Variants in SYCP3 observed in about 807,000 individuals in gnomAD.
The protein encoded by SYCP3 is synaptonemal complex protein 3.
SYCP3 carries 29 observed loss-of-function variants against 38.5 expected under a neutral mutation model. That is an observed-to-expected ratio of 0.75 (90% confidence interval 0.56 to 1.03). The LOEUF (loss-of-function observed/expected upper bound fraction) is 1.03, where lower values mean the gene tolerates loss of function less well. Among genes scored for constraint, SYCP3 ranks in the 50% least tolerant of loss-of-function variants. The probability of loss-of-function intolerance (pLI) is 0.00; values close to 1 mark genes in which losing one functional copy is unlikely to be tolerated. For missense variants in SYCP3, 242 were observed against 270.7 expected, an observed-to-expected ratio of 0.89 and a Z score of 0.74; for synonymous variants, 79 against 80.3, an observed-to-expected ratio of 0.98 and a Z score of 0.08.
Position 101,737,878 on chromosome 12 carries a change from G to C in SYCP3, c.58C>G (p.Gln20Glu). ...RKSGKPSVED[Q>E]FTRAYDFETE... ...TCAAAGTCATAGGCTCTCGTAAACT[G>C]ATCTTCCACAGACGGCTTCCCAGAT... The change falls in exon 2 of 9, where the codon CAG becomes GAG. Residue 20 changes from glutamine to glutamate, a missense_variant. Coordinates refer to ENST00000392924, the MANE Select transcript of SYCP3 (RefSeq NM_001177949.2). 1.2e-6 allele frequency: 2 copies of C among 1,614,126 alleles called. No homozygotes were observed. Among genetic ancestry groups the C allele is most frequent in the Non-Finnish European group, 1.7e-6 (2 of 1,180,024 alleles).
intron 1 of SYCP3, among the ~76,000 whole-genome samples, chr12:101,738,771 ACC>A (rs905855257): frequency 6.6e-6 from 1 of 152,114 alleles, no homozygotes; most frequent in African/African-American, 2.4e-5. Flanking sequence ...GACAGTGTCC[ACC>A]CCGACTCCAA....
At chr12:101,737,164 T>C (rs1292119679) in intron 3 of SYCP3, 68 bp downstream of exon 3, 7 of 1,602,304 alleles carry the variant, frequency 4.4e-6, no homozygotes, top group African/African-American at 2.7e-5. Context: ...ATTTTACATA[T>C]ATTATTTGTT....
At chr12:101,729,373 T>G in intron 7 of SYCP3, 160 bp from the exon 8 acceptor site, 1 of 711,864 alleles carries the variant, frequency 1.4e-6, no homozygotes, top group Non-Finnish European at 2.3e-6. Flanking sequence ...CCAAAATACC[T>G]ACTAAAAAAG....
At chr12:101,730,932 T>C (rs1044652022) in intron 7 of SYCP3, among the ~76,000 whole-genome samples, 6 of 152,206 alleles carry the variant, frequency 3.9e-5, no homozygotes, top group African/African-American at 1.4e-4. Context: ...ATATGCAAGA[T>C]TCCATTGAGC....
At chr12:101,729,508 C>CTT in intron 7 of SYCP3, 1 of 293,132 alleles carries the variant, frequency 3.4e-6, no homozygotes, top group African/African-American at 2.2e-5. Flanking sequence ...CAGTAAAAAC[C>CTT]ATTTCTATTA....
At chr12:101,735,862 T>TTTA (rs1365348613) in intron 4 of SYCP3, among the ~76,000 whole-genome samples, 3 of 98,718 alleles carry the variant, frequency 3.0e-5, no homozygotes, top group African/African-American at 1.3e-4. Flanking sequence ...TATATATATA[T>TTTA]ATATATATAT....
Position 101,739,410 on chromosome 12 carries a change from A to C in SYCP3, c.-77T>G. On this transcript the variant is annotated 5_prime_UTR_variant, in exon 1 of 9. Coordinates refer to ENST00000392924, the MANE Select transcript of SYCP3 (RefSeq NM_001177949.2). Reference sequence around the variant, plus strand: ...TGGTCGTCGACAGGCGTCCTCCACAACTCCTCCACAAGCGCGCTTCACCTG... The same window carrying C: ...TGGTCGTCGACAGGCGTCCTCCACACCTCCTCCACAAGCGCGCTTCACCTG... 1 of 1,001,594 alleles carries C rather than the reference A, an allele frequency of 1.0e-6. No individual in the cohort carries two copies. Among genetic ancestry groups the C allele is most frequent in the Non-Finnish European group, 1.2e-6 (1 of 830,022 alleles). The allele number at this position is 1,001,594 out of a possible 1,614,324, so 62.0% of individuals were successfully genotyped here.
chr12:101,736,211 T>C (rs1952434857), intron 4 of SYCP3, among the ~76,000 whole-genome samples: 1 of 152,166 alleles, frequency 6.6e-6, no homozygotes, highest in Admixed American at 6.5e-5. Context: ...AAATGTTTAC[T>C]ACTTCAAATA....
At position 101,739,447 on chromosome 12, in the gene SYCP3, T is replaced by C. The variant is rs1403981453; in HGVS notation, c.-114A>G. On this transcript the variant is annotated 5_prime_UTR_variant, in exon 1 of 9. Coordinates refer to ENST00000392924, the MANE Select transcript of SYCP3 (RefSeq NM_001177949.2). ...GCGCGCTTCACCTGAGGTGGCCCCT[T>C]CTCCGCGACGCTTCTGAGGCAAGCT... The C allele has an allele frequency of 8.0e-6, 8 of 1,002,470 alleles. No homozygotes were observed. The highest frequency in any genetic ancestry group is 9.6e-6 in the Non-Finnish European group (8 of 830,298). 62.1% of individuals were successfully genotyped at this position (1,002,470 alleles called of 1,614,324 possible). A position where few individuals can be genotyped will look rare whatever the true frequency, so the allele number is the denominator to read the frequency against.
chr12:101,734,007 A>G (rs1020615557), intron 5 of SYCP3, among the ~76,000 whole-genome samples: 2 of 152,214 alleles, frequency 1.3e-5, no homozygotes, highest in African/African-American at 4.8e-5. Flanking sequence ...AGATTCTGAT[A>G]TAACAAATAC....
chr12:101,729,957 G>A (rs539891368), intron 7 of SYCP3, among the ~76,000 whole-genome samples: 60 of 152,176 alleles, frequency 3.9e-4, no homozygotes, highest in African/African-American at 1.3e-3. Context: ...ATAGTGAGCT[G>A]AGAGAAAGCA....
chr12:101,733,619 C>T lies in SYCP3; in HGVS notation c.409G>A (p.Asp137Asn). 6.2e-7 allele frequency: 1 copy of T among 1,612,492 alleles called. No homozygotes were observed. The highest frequency in any genetic ancestry group is 8.5e-7 in the Non-Finnish European group (1 of 1,179,966). ...TCCTCAGCTTTCTGCATATCTAAAT[C>T]CCACTGCTGAAACAAAGTCAGAAAC... ...QQFLTLFQQWDLDMQKAEEQE... is the reference protein window; with the variant it reads ...QQFLTLFQQWNLDMQKAEEQE... The change falls in exon 6 of 9, where the codon GAT (aspartate) becomes AAT (asparagine). Residue 137 changes from aspartate to asparagine, a missense_variant. Physicochemically the swap from Asp to Asn is conservative, Grantham distance 23 (BLOSUM62 1). Transcript: ENST00000392924.
intron 1 of SYCP3, 34 bp from the exon 2 acceptor site, chr12:101,737,986 G>A (rs763822490): frequency 3.1e-6 from 5 of 1,610,112 alleles, no homozygotes; most frequent in Non-Finnish European, 4.2e-6. Flanking sequence ...CCTTCTGAAT[G>A]CAAAGACATC....
intron 7 of SYCP3, 50 bp downstream of exon 7, chr12:101,731,517 TA>T: frequency 7.9e-7 from 1 of 1,257,928 alleles, no homozygotes; most frequent in Non-Finnish European, 1.1e-6. Context: ...TCTACTTCCA[TA>T]AATATATTAT....
intron 7 of SYCP3, among the ~76,000 whole-genome samples, chr12:101,729,843 G>T (rs1229483761): frequency 6.6e-6 from 1 of 152,130 alleles, no homozygotes; most frequent in African/African-American, 2.4e-5. Context: ...GGAAAATGGG[G>T]ATTAATTCCA....
chr12:101,735,212 T>G (rs1298591414), intron 4 of SYCP3, among the ~76,000 whole-genome samples, 168 bp from the exon 5 acceptor site: 1 of 152,204 alleles, frequency 6.6e-6, no homozygotes, highest in Non-Finnish European at 1.5e-5. Flanking sequence ...TGCTTACTTT[T>G]TTTTTCTGAG....
chr12:101,735,153 T>C, intron 4 of SYCP3, 109 bp from the exon 5 acceptor site: 3 of 679,920 alleles, frequency 4.4e-6, no homozygotes, highest in Non-Finnish European at 7.5e-6. Context: ...TGGAAAGACA[T>C]TTAAACTTAA....
chr12:101,729,330 T>G, intron 7 of SYCP3, 117 bp from the exon 8 acceptor site: 4 of 1,035,502 alleles, frequency 3.9e-6, no homozygotes, highest in Non-Finnish European at 5.6e-6. Context: ...CTCATCTATT[T>G]GAAATAAAAA....
intron 4 of SYCP3, 41 bp from the exon 5 acceptor site, chr12:101,735,085 A>G: frequency 7.1e-7 from 1 of 1,400,562 alleles, no homozygotes; most frequent in African/African-American, 1.4e-5. Context: ...TAATGTTGAA[A>G]AAAGTATTTT....
Sources: gnomAD v4.1 joint callset for allele counts (sites outside exome capture counted in the v4.1 genomes callset) on GRCh38, gnomAD v4.1.1 for gene constraint, MANE v1.5 for transcripts, NCBI Gene and HGNC (gene_info 2026-07-23, HGNC 2026-07-21) for gene names.